Variants in ANKS1B observed in about 807,000 individuals in gnomAD.
ANKS1B encodes the protein ankyrin repeat and sterile alpha motif domain containing 1B.
A neutral mutation model predicts 148.3 loss-of-function variants in ANKS1B; 36 were observed. The observed-to-expected ratio is 0.24, with a 90% CI of 0.19 to 0.32. ANKS1B has a LOEUF of 0.32. Among genes scored for constraint, ANKS1B ranks in the 10% least tolerant of loss-of-function variants. ANKS1B has a pLI of 1.00. For missense variants in ANKS1B, 1,157 were observed against 1,542.6 expected, an observed-to-expected ratio of 0.75 and a Z score of 4.19; for synonymous variants, 542 against 560.8, an observed-to-expected ratio of 0.97 and a Z score of 0.47.
intron 16 of ANKS1B, among the ~76,000 whole-genome samples, chr12:99,081,145 AT>A (rs1752764053): frequency 6.6e-6 from 1 of 152,240 alleles, no homozygotes; most frequent in Non-Finnish European, 1.5e-5. Context: ...ATATTAAAGA[AT>A]AGCTATTCTT....
At chr12:99,616,870 G>A (rs2097970430) in intron 9 of ANKS1B, among the ~76,000 whole-genome samples, 1 of 151,670 alleles carries the variant, frequency 6.6e-6, no homozygotes, top group Non-Finnish European at 1.5e-5. Flanking sequence ...CAGAATGAGA[G>A]AAAATTTTTG....
At chr12:99,890,456 ACT>A (rs1301589962) in intron 1 of ANKS1B, among the ~76,000 whole-genome samples, 3 of 151,778 alleles carry the variant, frequency 2.0e-5, no homozygotes, top group Non-Finnish European at 4.4e-5. Flanking sequence ...TGCAACATCA[ACT>A]CTTTCCTGAA....
rs533563925 is a variant in ANKS1B at position 98,889,452 on chromosome 12, A to C, written c.2779-57316T>G. Among the ~76,000 whole-genome samples, 14 of 151,988 alleles carry C rather than the reference A, an allele frequency of 9.2e-5. No individual in the cohort carries two copies. In the South Asian group the frequency reaches 2.9e-3, roughly 32 times the overall value. Reference sequence around the variant, plus strand: ...AACCTCCACCTCCCGGGCTCAAGCGATTCTCCTGCCTCAGCCTCCTGAGTA... The same window carrying C: ...AACCTCCACCTCCCGGGCTCAAGCGCTTCTCCTGCCTCAGCCTCCTGAGTA... On this transcript the variant is annotated intron_variant, in intron 17 of 26. Transcript: ENST00000683438.
At chr12:99,044,944 A>C (rs949823389) in intron 17 of ANKS1B, among the ~76,000 whole-genome samples, 1 of 152,138 alleles carries the variant, frequency 6.6e-6, no homozygotes, top group Non-Finnish European at 1.5e-5. Flanking sequence ...AAGTCAAGTG[A>C]CCTGATTCCA....
At chr12:99,352,431 A>G (rs1422733167) in intron 12 of ANKS1B, among the ~76,000 whole-genome samples, 1 of 151,954 alleles carries the variant, frequency 6.6e-6, no homozygotes, top group Non-Finnish European at 1.5e-5. Context: ...CTATGAGAAC[A>G]GCTTGCTCAG....
At chr12:99,976,494 G>A (rs1235597089) in intron 1 of ANKS1B, among the ~76,000 whole-genome samples, 1 of 152,104 alleles carries the variant, frequency 6.6e-6, no homozygotes, top group Non-Finnish European at 1.5e-5. Context: ...ATGTGGTGTG[G>A]GAAATAGAAA....
chr12:99,586,670 C>T (rs2097644827), intron 9 of ANKS1B, among the ~76,000 whole-genome samples: 1 of 152,112 alleles, frequency 6.6e-6, no homozygotes, highest in African/African-American at 2.4e-5. Flanking sequence ...ATACTCGAGG[C>T]TGGGTAACTT....
chr12:99,534,237 GTGAACAAC>G (rs2097036417), intron 9 of ANKS1B, among the ~76,000 whole-genome samples: 1 of 152,214 alleles, frequency 6.6e-6, no homozygotes, highest in Non-Finnish European at 1.5e-5. Context: ...ATGTTCAGAA[GTGAACAAC>G]TGAATGAGAA....
chr12:99,556,399 A>AT (rs979626413), intron 9 of ANKS1B, among the ~76,000 whole-genome samples: 4 of 151,370 alleles, frequency 2.6e-5, no homozygotes, highest in African/African-American at 4.9e-5. Context: ...GGATTCAGTG[A>AT]TTTTTTTTGG....
intron 12 of ANKS1B, among the ~76,000 whole-genome samples, chr12:99,372,503 T>A (rs2093191645): frequency 6.6e-6 from 1 of 152,146 alleles, no homozygotes; most frequent in Admixed American, 6.6e-5. Flanking sequence ...AGAGAAAATG[T>A]TCCATTATCT....
At chr12:99,828,183 C>A (rs894001572) in intron 1 of ANKS1B, among the ~76,000 whole-genome samples, 3 of 152,144 alleles carry the variant, frequency 2.0e-5, no homozygotes, top group African/African-American at 4.8e-5. Flanking sequence ...TCAGGAAGAA[C>A]AGCAGAATGG....
In ANKS1B at chr12:99,388,545, G is replaced by T. The variant is rs149244713; in HGVS notation, c.1756+11086C>A. On this transcript the variant is annotated intron_variant, in intron 12 of 26. Coordinates refer to ENST00000683438, the MANE Select transcript of ANKS1B (RefSeq NM_001352186.2). ...TCTTTCCAAAATCAGAGGAGCATGG[G>T]ATATGTTTGTTTTCTGCCTCTCCAT... Among the ~76,000 whole-genome samples, 387 of 152,248 alleles carry T rather than the reference G, an allele frequency of 2.5e-3. 4 individuals carry two copies. Among genetic ancestry groups the T allele is most frequent in the African/African-American group, 9.0e-3 (372 of 41,546 alleles).
At chr12:99,567,283 A>C (rs2153219135) in intron 9 of ANKS1B, among the ~76,000 whole-genome samples, 1 of 152,272 alleles carries the variant, frequency 6.6e-6, no homozygotes, top group East Asian at 1.9e-4. Flanking sequence ...CTCTCTTTAA[A>C]GGGCTTACCT....
intron 16 of ANKS1B, among the ~76,000 whole-genome samples, chr12:99,077,915 T>C (rs1278462686): frequency 6.6e-6 from 1 of 152,220 alleles, no homozygotes; most frequent in African/African-American, 2.4e-5. Context: ...AGTGATTCTC[T>C]TCATCTATGA....
chr12:98,955,756 A>G (rs1054001624), intron 17 of ANKS1B, among the ~76,000 whole-genome samples: 11 of 152,132 alleles, frequency 7.2e-5, no homozygotes, highest in Non-Finnish European at 1.5e-4. Flanking sequence ...GAGATGGGGG[A>G]AGGCTGCGGT....
At chr12:99,361,672 T>C (rs1234974310) in intron 12 of ANKS1B, among the ~76,000 whole-genome samples, 1 of 152,082 alleles carries the variant, frequency 6.6e-6, no homozygotes, top group African/African-American at 2.4e-5. Context: ...CAGTGAATCT[T>C]GTCTGTTTCT....
intron 24 of ANKS1B, among the ~76,000 whole-genome samples, chr12:98,778,704 G>A (rs560134978): frequency 5.1e-4 from 78 of 152,240 alleles, no homozygotes; most frequent in African/African-American, 1.7e-3. Flanking sequence ...TGGATCCTCC[G>A]TCCCTTCTGA....
intron 17 of ANKS1B, among the ~76,000 whole-genome samples, chr12:98,992,608 C>T (rs1179363448): frequency 1.3e-5 from 2 of 152,186 alleles, no homozygotes; most frequent in African/African-American, 4.8e-5. Flanking sequence ...CCCAGCCATG[C>T]AGAACTGTGA....
chr12:98,840,911 G>A (rs1183483147), intron 17 of ANKS1B, among the ~76,000 whole-genome samples: 2 of 152,090 alleles, frequency 1.3e-5, no homozygotes, highest in Non-Finnish European at 2.9e-5. Context: ...GGAAAAATTT[G>A]TTACAAAAGA....
Sources: gnomAD v4.1 joint callset for allele counts (sites outside exome capture counted in the v4.1 genomes callset) on GRCh38, gnomAD v4.1.1 for gene constraint, MANE v1.5 for transcripts, NCBI Gene and HGNC (gene_info 2026-07-23, HGNC 2026-07-21) for gene names.